Variants in FILIP1L observed in about 807,000 individuals in gnomAD.
The protein encoded by FILIP1L is filamin A interacting protein 1 like, also known as filamin A-interacting protein 1-like.
FILIP1L carries 55 observed loss-of-function variants against 96.6 expected under a neutral mutation model. The observed-to-expected ratio is 0.57, with a 90% CI of 0.46 to 0.71. The LOEUF is 0.71. FILIP1L is among the 30% of genes least tolerant of loss of function. FILIP1L has a pLI of 0.00. For missense variants in FILIP1L, 1,304 were observed against 1,321.2 expected, an observed-to-expected ratio of 0.99 and a Z score of 0.20; for synonymous variants, 467 against 473.9, an observed-to-expected ratio of 0.99 and a Z score of 0.19.
intron 1 of FILIP1L, among the ~76,000 whole-genome samples, chr3:100,000,657 G>A (rs1290281009): frequency 6.6e-6 from 1 of 152,312 alleles, no homozygotes; most frequent in South Asian, 2.1e-4. Context: ...CAAGGCCAGA[G>A]TGAGCTATGA....
chr3:100,084,226 T>G (rs1390629737), intron 1 of FILIP1L, among the ~76,000 whole-genome samples: 2 of 152,224 alleles, frequency 1.3e-5, no homozygotes, highest in African/African-American at 4.8e-5. Context: ...TTAAATAACT[T>G]TAATAGCAGC....
intron 1 of FILIP1L, among the ~76,000 whole-genome samples, chr3:100,059,946 G>A (rs2065531579): frequency 6.6e-6 from 1 of 151,830 alleles, no homozygotes; most frequent in Non-Finnish European, 1.5e-5. Flanking sequence ...CCTCGTTAGT[G>A]AGGTAAATCA....
intron 1 of FILIP1L, among the ~76,000 whole-genome samples, chr3:100,108,452 A>AG (rs1481217492): frequency 1.5e-4 from 23 of 152,164 alleles, no homozygotes; most frequent in African/African-American, 5.3e-4. Context: ...GAGGCTTTAG[A>AG]GGGTAACTTG....
chr3:100,018,921 A>G (rs1427758758), intron 1 of FILIP1L, among the ~76,000 whole-genome samples: 1 of 152,206 alleles, frequency 6.6e-6, no homozygotes, highest in African/African-American at 2.4e-5. Context: ...AAGAAGATAA[A>G]TAGCCAAGAG....
chr3:99,908,290 A>T (rs1706685670), intron 4 of FILIP1L, among the ~76,000 whole-genome samples: 1 of 152,210 alleles, frequency 6.6e-6, no homozygotes, highest in African/African-American at 2.4e-5. Flanking sequence ...GGAAAAAGAG[A>T]TGCTATTTTC....
chr3:100,002,397 A>T (rs1364612682), intron 1 of FILIP1L, among the ~76,000 whole-genome samples: 1 of 152,184 alleles, frequency 6.6e-6, no homozygotes, highest in African/African-American at 2.4e-5. Context: ...TGTGGCTTAG[A>T]CTGGAGTATC....
At chr3:99,930,192 A>G (rs546869428) in intron 2 of FILIP1L, among the ~76,000 whole-genome samples, 163 bp from the exon 3 acceptor site, 51 of 152,300 alleles carry the variant, frequency 3.3e-4, no homozygotes, top group Non-Finnish European at 5.7e-4. Flanking sequence ...ATATCCCTTC[A>G]TCCTTCTTGT....
chr3:100,110,775 C>T (rs2107476297), intron 1 of FILIP1L, among the ~76,000 whole-genome samples: 1 of 152,212 alleles, frequency 6.6e-6, no homozygotes, highest in East Asian at 1.9e-4. Flanking sequence ...TTTCCTCTTA[C>T]CCATGATAAA....
chr3:99,916,815 TACTC>T (rs1326991674), intron 4 of FILIP1L, among the ~76,000 whole-genome samples: 1 of 152,214 alleles, frequency 6.6e-6, no homozygotes, highest in Non-Finnish European at 1.5e-5. Flanking sequence ...TGTGCAGTGA[TACTC>T]ACTCATCACT....
intron 1 of FILIP1L, among the ~76,000 whole-genome samples, chr3:99,983,980 GT>G (rs1228666671): frequency 4.0e-5 from 6 of 150,860 alleles, no homozygotes; most frequent in African/African-American, 1.5e-4. Flanking sequence ...ACAGATTTTT[GT>G]TGTTTTGTTT....
intron 1 of FILIP1L, among the ~76,000 whole-genome samples, chr3:100,096,002 C>G (rs901862356): frequency 2.0e-5 from 3 of 152,088 alleles, no homozygotes; most frequent in Admixed American, 6.5e-5. Context: ...ATACAGATGA[C>G]AAACAGGCAT....
chr3:99,876,254 G>A, intron 4 of FILIP1L: 1 of 982,098 alleles, frequency 1.0e-6, no homozygotes, highest in Non-Finnish European at 1.2e-6. Flanking sequence ...GTGCGGCGCT[G>A]TCGGCGGGGG....
In FILIP1L at chr3:99,849,065, C is replaced by T; in HGVS notation, c.2611G>A (p.Gly871Ser). Residue 871 changes from glycine to serine, a missense_variant, in exon 5 of 6, where the codon GGC becomes AGC. Coordinates refer to ENST00000477258, the MANE Select transcript of FILIP1L (RefSeq NM_001387850.1). ...LWIPWMKSKEGHLQNGKMQTK... is the reference protein window; with the variant it reads ...LWIPWMKSKESHLQNGKMQTK... ...TGCATTTTTCCATTCTGAAGATGGC[C>T]CTCCTTGGATTTCATCCAGGGAATC... 1 of 1,614,094 alleles carries T rather than the reference C, an allele frequency of 6.2e-7. No homozygotes were observed. The highest frequency in any genetic ancestry group is 8.5e-7 in the Non-Finnish European group (1 of 1,179,986).
chr3:100,015,082 T>C (rs1290327555), intron 1 of FILIP1L, among the ~76,000 whole-genome samples: 1 of 151,888 alleles, frequency 6.6e-6, no homozygotes, highest in Non-Finnish European at 1.5e-5. Context: ...TTGTACGAGA[T>C]AAGGGTCTAA....
At chr3:99,870,602 G>A (rs1944739006) in intron 4 of FILIP1L, among the ~76,000 whole-genome samples, 1 of 152,200 alleles carries the variant, frequency 6.6e-6, no homozygotes, top group Non-Finnish European at 1.5e-5. Flanking sequence ...GGTGTGTGGT[G>A]AACTTAGTTG....
chr3:99,906,363 G>A (rs1440146312), intron 4 of FILIP1L, among the ~76,000 whole-genome samples: 1 of 151,898 alleles, frequency 6.6e-6, no homozygotes, highest in Non-Finnish European at 1.5e-5. Flanking sequence ...TTTATATTGG[G>A]TTGTCAGTCT....
intron 1 of FILIP1L, among the ~76,000 whole-genome samples, chr3:99,974,964 A>C (rs1245210779): frequency 5.9e-5 from 9 of 152,220 alleles, no homozygotes; most frequent in Non-Finnish European, 1.3e-4. Context: ...GCAAAGCTAG[A>C]AAATAATACC....
intron 4 of FILIP1L, among the ~76,000 whole-genome samples, chr3:99,872,322 T>TGTGTGTGTGTGTGTGA (rs1491147270): frequency 7.1e-6 from 1 of 141,116 alleles, no homozygotes; most frequent in Middle Eastern, 3.4e-3. Context: ...TGTGTGTGTG[T>TGTGTGTGTGTGTGTGA]GACTGTGGGG....
At chr3:99,987,923 G>A (rs966658995) in intron 1 of FILIP1L, among the ~76,000 whole-genome samples, 2 of 152,106 alleles carry the variant, frequency 1.3e-5, no homozygotes, top group Admixed American at 6.5e-5. Context: ...TCATCCTGTT[G>A]GATTCTTGAA....
Sources: allele counts gnomAD v4.1 joint callset (sites outside exome capture counted in the v4.1 genomes callset), GRCh38; gene constraint gnomAD v4.1.1; transcripts MANE v1.5; gene names NCBI Gene and HGNC (gene_info 2026-07-23, HGNC 2026-07-21).